Variants in ZNF385D observed in about 807,000 individuals in gnomAD.
The protein encoded by ZNF385D is zinc finger protein 385D, also known as zinc finger protein 659.
A neutral mutation model predicts 35.8 loss-of-function variants in ZNF385D; 15 were observed. That is an observed-to-expected ratio of 0.42 (90% CI 0.28 to 0.64). The LOEUF (loss-of-function observed/expected upper bound fraction) is 0.64. Ranked by LOEUF, ZNF385D falls within the 30% of genes least tolerant of loss-of-function variation. The pLI is 0.23. For synonymous variants in ZNF385D, 212 were observed against 186.8 expected (o/e 1.13, Z -1.10); for missense variants, 474 against 494.6 (o/e 0.96, Z 0.39).
intron 3 of ZNF385D, among the ~76,000 whole-genome samples, chr3:21,813,869 T>G (rs1008894618): frequency 6.6e-6 from 1 of 151,980 alleles, no homozygotes; most frequent in Non-Finnish European, 1.5e-5. Context: ...AAGATAGTCC[T>G]CGAGAAGAGC....
rs75267187 is a variant in ZNF385D, at chr3:21,474,736, C to G, written c.439+36125G>C. On this transcript the variant is annotated intron_variant, in intron 4 of 7. Coordinates refer to ENST00000281523, the MANE Select transcript of ZNF385D (RefSeq NM_024697.3). ...AAATATTTTCTAGTCAAAATCCTCT[C>G]ACAAGTCTTGCTGTCCTCAAAACCC... Among the ~76,000 whole-genome samples the G allele has an allele frequency of 5.2e-3, 788 of 152,230 alleles. 2 individuals are homozygous for G. The highest frequency in any genetic ancestry group is 0.018 in the African/African-American group (753 of 41,564).
At chr3:22,119,051 T>G (rs1031488066) in intron 3 of ZNF385D, among the ~76,000 whole-genome samples, 1 of 152,114 alleles carries the variant, frequency 6.6e-6, no homozygotes, top group Non-Finnish European at 1.5e-5. Context: ...ATATTAATTA[T>G]CTTAAATATA....
chr3:22,071,341 G>C (rs1006789677), intron 3 of ZNF385D, among the ~76,000 whole-genome samples: 45 of 152,054 alleles, frequency 3.0e-4, no homozygotes, highest in African/African-American at 9.2e-4. Flanking sequence ...TATCTAAACA[G>C]TGAAGAGCCT....
At chr3:21,972,908 GT>G (rs1703355260) in intron 3 of ZNF385D, among the ~76,000 whole-genome samples, 1 of 151,918 alleles carries the variant, frequency 6.6e-6, no homozygotes, top group South Asian at 2.1e-4. Context: ...AACAAGTAAT[GT>G]GATCGAAGCC....
At chr3:21,558,913 T>C (rs544425944) in intron 3 of ZNF385D, among the ~76,000 whole-genome samples, 1 of 152,294 alleles carries the variant, frequency 6.6e-6, no homozygotes, top group South Asian at 2.1e-4. Context: ...TTTGCCATTA[T>C]GTAATGTCCT....
chr3:21,892,500 A>G (rs1455874230), intron 3 of ZNF385D, among the ~76,000 whole-genome samples: 1 of 152,172 alleles, frequency 6.6e-6, no homozygotes, highest in African/African-American at 2.4e-5. Context: ...ATTTAAAACT[A>G]TTATTATCAT....
intron 3 of ZNF385D, among the ~76,000 whole-genome samples, chr3:22,123,986 A>ATG (rs1553612463): frequency 0.031 from 3,742 of 121,726 alleles, 105 homozygotes; most frequent in African/African-American, 0.051. Context: ...ATATATATAT[A>ATG]TATTGCTGAC....
intron 4 of ZNF385D, among the ~76,000 whole-genome samples, chr3:21,461,054 A>C (rs1052562487): frequency 1.2e-4 from 18 of 152,186 alleles, no homozygotes; most frequent in African/African-American, 3.9e-4. Context: ...GAATTAATTC[A>C]CATAAAGTCA....
At chr3:22,206,309 T>C (rs541402032) in intron 2 of ZNF385D, among the ~76,000 whole-genome samples, 18 of 152,028 alleles carry the variant, frequency 1.2e-4, no homozygotes, top group Middle Eastern at 3.4e-3. Context: ...AAGAGAGAGA[T>C]AGACCCTAAT....
At chr3:22,059,301 G>A (rs1025277751) in intron 3 of ZNF385D, among the ~76,000 whole-genome samples, 1 of 152,166 alleles carries the variant, frequency 6.6e-6, no homozygotes, top group African/African-American at 2.4e-5. Flanking sequence ...GGGACTGTGT[G>A]TGCATGAAAG....
chr3:21,853,241 A>G (rs1236286298), intron 3 of ZNF385D, among the ~76,000 whole-genome samples: 2 of 151,878 alleles, frequency 1.3e-5, no homozygotes, highest in South Asian at 4.1e-4. Context: ...TATTGTTGGC[A>G]AGAGTGCCTA....
chr3:22,005,242 T>G (rs1696128856), intron 3 of ZNF385D, among the ~76,000 whole-genome samples: 1 of 151,884 alleles, frequency 6.6e-6, no homozygotes, highest in African/African-American at 2.4e-5. Flanking sequence ...AGATAGCATC[T>G]TATCCTAGTT....
chr3:22,173,067 T>G (rs1166236272), intron 2 of ZNF385D, among the ~76,000 whole-genome samples: 2 of 152,222 alleles, frequency 1.3e-5, no homozygotes, highest in African/African-American at 4.8e-5. Flanking sequence ...ACAATGGTAT[T>G]TCACCTCTGT....
intron 3 of ZNF385D, among the ~76,000 whole-genome samples, chr3:22,136,789 C>T (rs1286395219): frequency 6.6e-6 from 1 of 152,038 alleles, no homozygotes; most frequent in Non-Finnish European, 1.5e-5. Context: ...CACTAAAAGA[C>T]ATGGAGGAAA....
intron 3 of ZNF385D, among the ~76,000 whole-genome samples, chr3:21,819,164 G>A (rs1397764101): frequency 6.6e-6 from 1 of 151,518 alleles, no homozygotes; most frequent in South Asian, 2.1e-4. Context: ...TGGTGAAAAA[G>A]TAACAAGAAA....
At chr3:21,671,242 C>G (rs2066567999) in intron 1 of ZNF385D, among the ~76,000 whole-genome samples, 1 of 151,988 alleles carries the variant, frequency 6.6e-6, no homozygotes, top group African/African-American at 2.4e-5. Flanking sequence ...TGCTTCCCCG[C>G]CTGTCAGAAT....
At chr3:22,195,007 T>G (rs1696314257) in intron 2 of ZNF385D, among the ~76,000 whole-genome samples, 1 of 151,936 alleles carries the variant, frequency 6.6e-6, no homozygotes, top group African/African-American at 2.4e-5. Flanking sequence ...GGGCAATATT[T>G]TGGTCATTAT....
At chr3:22,047,851 T>C (rs1699098164) in intron 3 of ZNF385D, among the ~76,000 whole-genome samples, 1 of 152,164 alleles carries the variant, frequency 6.6e-6, no homozygotes, top group Admixed American at 6.5e-5. Flanking sequence ...TGTACTAATT[T>C]ACTTTCCCAC....
At chr3:22,122,208 A>T (rs1055816420) in intron 3 of ZNF385D, among the ~76,000 whole-genome samples, 1 of 152,138 alleles carries the variant, frequency 6.6e-6, no homozygotes, top group African/African-American at 2.4e-5. Context: ...TTTAGTTAAT[A>T]AGTTTACCTT....
Sources: allele counts gnomAD v4.1 joint callset (sites outside exome capture counted in the v4.1 genomes callset), GRCh38; gene constraint gnomAD v4.1.1; transcripts MANE v1.5; gene names NCBI Gene and HGNC (gene_info 2026-07-23, HGNC 2026-07-21).